The following CCSER1 variants were observed in gnomAD, a reference collection of about 807,000 sequenced individuals.
CCSER1 encodes serine-rich coiled-coil domain-containing protein 1.
A neutral mutation model predicts 82.0 loss-of-function variants in CCSER1; 41 were observed. The ratio of observed to expected loss-of-function variants is 0.50; its 90% CI spans 0.39 to 0.65. The LOEUF is 0.65. Ranked by LOEUF, CCSER1 falls within the 30% of genes least tolerant of loss-of-function variation. The pLI, the probability that CCSER1 is intolerant of heterozygous loss-of-function variation, is 0.00. For synonymous variants in CCSER1, 414 were observed against 383.9 expected (o/e 1.08, Z -0.92); for missense variants, 1,119 against 1,064.2 (o/e 1.05, Z -0.72).
chr4:91,512,277 G>A (rs537521063), intron 10 of CCSER1, among the ~76,000 whole-genome samples: 1 of 152,152 alleles, frequency 6.6e-6, no homozygotes, highest in South Asian at 2.1e-4. Context: ...CTGCCAGTGT[G>A]ATTAGAATAA....
At chr4:91,540,142 A>T (rs1299011630) in intron 10 of CCSER1, among the ~76,000 whole-genome samples, 1 of 152,082 alleles carries the variant, frequency 6.6e-6, no homozygotes. Context: ...CCCATGTATC[A>T]TTGGTTCCTC....
intron 3 of CCSER1, among the ~76,000 whole-genome samples, chr4:90,341,437 A>C (rs1338288389): frequency 6.6e-6 from 1 of 152,116 alleles, no homozygotes; most frequent in Non-Finnish European, 1.5e-5. Flanking sequence ...CGAGTTCATA[A>C]ATCCACAAGG....
chr4:90,922,076 T>A (rs1033081140), intron 8 of CCSER1, among the ~76,000 whole-genome samples: 2 of 152,098 alleles, frequency 1.3e-5, no homozygotes, highest in African/African-American at 4.8e-5. Context: ...CTAATCTGCA[T>A]CTAATTTTTC....
intron 5 of CCSER1, among the ~76,000 whole-genome samples, chr4:90,524,820 G>A (rs141863151): frequency 1.4e-3 from 210 of 151,958 alleles, no homozygotes; most frequent in African/African-American, 4.9e-3. Flanking sequence ...ATTTGTCCTC[G>A]CATGCTCTTG....
intron 4 of CCSER1, among the ~76,000 whole-genome samples, chr4:90,417,996 A>G (rs1756073056): frequency 6.6e-6 from 1 of 152,174 alleles, no homozygotes; most frequent in Non-Finnish European, 1.5e-5. Flanking sequence ...TAAGAAACAT[A>G]CAGCACTTAA....
At chr4:91,112,195 T>C (rs1258257777) in intron 10 of CCSER1, among the ~76,000 whole-genome samples, 1 of 152,124 alleles carries the variant, frequency 6.6e-6, no homozygotes, top group Admixed American at 6.5e-5. Context: ...GAGATCGTCC[T>C]GAAAAATTGA....
In CCSER1 at chr4:90,953,132, A is replaced by T. The variant is rs186322421; in HGVS notation, c.2172+29685A>T. On this transcript the variant is annotated intron_variant, in intron 9 of 10. Coordinates refer to ENST00000509176, the MANE Select transcript of CCSER1 (RefSeq NM_001145065.2). ...ATATGAGTTTTGACATCCATGTGTT[A>T]TGTTCATATGCAATTTTGTCATCTA... Among the ~76,000 whole-genome samples, 700 of 152,038 alleles carry T rather than the reference A, an allele frequency of 4.6e-3. 7 individuals carry two copies. Among genetic ancestry groups the T allele is most frequent in the African/African-American group, 0.016 (658 of 41,506 alleles).
intron 3 of CCSER1, among the ~76,000 whole-genome samples, chr4:90,398,978 C>G (rs1752418448): frequency 6.6e-6 from 1 of 152,122 alleles, no homozygotes; most frequent in Non-Finnish European, 1.5e-5. Context: ...GTAATGAATA[C>G]TACTTTAACT....
At chr4:90,398,495 C>T (rs1157074611) in intron 3 of CCSER1, among the ~76,000 whole-genome samples, 3 of 152,200 alleles carry the variant, frequency 2.0e-5, no homozygotes, top group Non-Finnish European at 4.4e-5. Context: ...GTTTGATAAA[C>T]ACTCACATCA....
chr4:91,470,094 C>T (rs1447296563), intron 10 of CCSER1, among the ~76,000 whole-genome samples: 2 of 152,082 alleles, frequency 1.3e-5, no homozygotes, highest in African/African-American at 2.4e-5. Flanking sequence ...CTTATATAAC[C>T]AGTGCTGAAA....
chr4:90,488,769 A>T (rs1212713835), intron 5 of CCSER1, among the ~76,000 whole-genome samples: 1 of 152,204 alleles, frequency 6.6e-6, no homozygotes, highest in African/African-American at 2.4e-5. Flanking sequence ...AATTGTATAT[A>T]ATGATGTTAA....
chr4:91,028,986 A>G (rs140385249), intron 9 of CCSER1, among the ~76,000 whole-genome samples: 100 of 152,178 alleles, frequency 6.6e-4, no homozygotes, highest in African/African-American at 2.1e-3. Context: ...TCCTCTAAAG[A>G]CAGTCGTAGT....
chr4:90,814,179 A>G (rs1758706754), intron 7 of CCSER1, among the ~76,000 whole-genome samples: 1 of 152,178 alleles, frequency 6.6e-6, no homozygotes, highest in Admixed American at 6.5e-5. Context: ...ATTAGCCATG[A>G]CTGGAGCTAG....
At chr4:91,059,439 G>C (rs1487487260) in intron 9 of CCSER1, among the ~76,000 whole-genome samples, 1 of 127,910 alleles carries the variant, frequency 7.8e-6, no homozygotes, top group East Asian at 2.2e-4. Context: ...GATTTTATTT[G>C]TATGCTTTAT....
chr4:91,259,762 G>A (rs1740968488), intron 10 of CCSER1, among the ~76,000 whole-genome samples: 1 of 152,068 alleles, frequency 6.6e-6, no homozygotes, highest in African/African-American at 2.4e-5. Flanking sequence ...CCCTGCAGAG[G>A]ACATTAACTC....
chr4:90,540,456 T>C (rs917516161), intron 5 of CCSER1, among the ~76,000 whole-genome samples: 4 of 152,088 alleles, frequency 2.6e-5, no homozygotes, highest in Non-Finnish European at 5.9e-5. Context: ...ATACTCAATT[T>C]ATCTCCAGAG....
At chr4:90,237,591 C>T (rs1176916399) in intron 1 of CCSER1, among the ~76,000 whole-genome samples, 2 of 152,024 alleles carry the variant, frequency 1.3e-5, no homozygotes, top group African/African-American at 4.8e-5. Context: ...TAAAACAAGG[C>T]AAAATAACAA....
intron 4 of CCSER1, among the ~76,000 whole-genome samples, chr4:90,407,289 C>G (rs776772879): frequency 6.6e-6 from 1 of 152,100 alleles, no homozygotes; most frequent in East Asian, 1.9e-4. Flanking sequence ...ATATGACCCT[C>G]GTAGATTAAA....
At chr4:91,159,571 C>T (rs1458202422) in intron 10 of CCSER1, among the ~76,000 whole-genome samples, 2 of 151,624 alleles carry the variant, frequency 1.3e-5, no homozygotes, top group Non-Finnish European at 2.9e-5. Context: ...GCATTTTTGT[C>T]CTTTAAGAGT....
Sources: gnomAD v4.1 joint callset for allele counts (sites outside exome capture counted in the v4.1 genomes callset) on GRCh38, gnomAD v4.1.1 for gene constraint, MANE v1.5 for transcripts, NCBI Gene and HGNC (gene_info 2026-07-23, HGNC 2026-07-21) for gene names.